Variants in FOXP2 observed in about 807,000 individuals in gnomAD.
FOXP2 encodes the protein forkhead box P2.
Under a neutral mutation model 115.8 loss-of-function variants are expected in FOXP2, and 12 were observed. The observed-to-expected ratio is 0.10, with a 90% CI of 0.07 to 0.17. The LOEUF (loss-of-function observed/expected upper bound fraction) is 0.17. FOXP2 is among the 10% of genes least tolerant of loss of function. The pLI is 1.00. For missense variants in FOXP2, 629 were observed against 843.5 expected (o/e 0.75, Z 3.15); for synonymous variants, 328 against 297.7 (o/e 1.10, Z -1.05).
At chr7:114,571,367 A>G (rs959241340) in intron 3 of FOXP2, among the ~76,000 whole-genome samples, 1 of 151,886 alleles carries the variant, frequency 6.6e-6, no homozygotes, top group African/African-American at 2.4e-5. Flanking sequence ...AAAATTGCTT[A>G]TGTGGCCCAA....
Position 114,356,726 on chromosome 7 carries a change from A to G in FOXP2, c.-11+68617A>G, listed in dbSNP as rs147637062. ...ACTACTACAACAGAGGCATCCTTCT[A>G]ATATTAGTCAAGGCTAAGGAATGAT... is the stretch of plus-strand genomic sequence containing the variant. On this transcript the variant is annotated intron_variant, in intron 2 of 17. Coordinates refer to the FOXP2 transcript ENST00000634411. 1.8e-3 allele frequency among the ~76,000 whole-genome samples: 273 copies of G among 152,312 alleles called. 1 individual carries two copies. The highest frequency in any genetic ancestry group is 6.3e-3 in the African/African-American group (264 of 41,584).
At chr7:114,350,557 A>G (rs1791460477) in intron 2 of FOXP2, among the ~76,000 whole-genome samples, 1 of 152,116 alleles carries the variant, frequency 6.6e-6, no homozygotes, top group Non-Finnish European at 1.5e-5. Context: ...TGATCCCTTG[A>G]TTGATTAATC....
chr7:114,572,395 A>C (rs191565527), intron 3 of FOXP2, among the ~76,000 whole-genome samples: 1 of 151,834 alleles, frequency 6.6e-6, no homozygotes, highest in Admixed American at 6.6e-5. Context: ...CAACATTTGA[A>C]AGAAAAATAG....
chr7:114,258,892 C>A (rs1431083791), intron 1 of FOXP2, among the ~76,000 whole-genome samples: 1 of 152,038 alleles, frequency 6.6e-6, no homozygotes, highest in Non-Finnish European at 1.5e-5. Context: ...GCAGAGAAAA[C>A]CTGGGTAAAC....
At chr7:114,538,333 A>G (rs1799495174) in intron 3 of FOXP2, 2 of 1,303,112 alleles carry the variant, frequency 1.5e-6, no homozygotes, top group Non-Finnish European at 2.0e-6. Context: ...CAGCCATGAG[A>G]CAGACTTGTG....
At chr7:114,480,625 A>G (rs1016746817) in intron 2 of FOXP2, among the ~76,000 whole-genome samples, 7 of 148,386 alleles carry the variant, frequency 4.7e-5, no homozygotes, top group African/African-American at 1.5e-4. Flanking sequence ...ACATATATAC[A>G]TGTATACATA....
At chr7:114,132,540 ATT>A (rs1562974811) in intron 1 of FOXP2, among the ~76,000 whole-genome samples, 1 of 122,412 alleles carries the variant, frequency 8.2e-6, no homozygotes, top group African/African-American at 3.4e-5. Context: ...GAAAAGATAA[ATT>A]GTGTGTGTGT....
chr7:114,416,298 G>C (rs1478392378), intron 1 of FOXP2: 3 of 151,966 alleles, frequency 2.0e-5, no homozygotes, highest in Non-Finnish European at 4.4e-5. Context: ...GCTTGTTTAT[G>C]ATGCAAGCCA....
intron 2 of FOXP2, among the ~76,000 whole-genome samples, chr7:114,492,499 A>G (rs1490287011): frequency 6.6e-6 from 1 of 151,630 alleles, no homozygotes; most frequent in Non-Finnish European, 1.5e-5. Flanking sequence ...TTTAATTGTG[A>G]TGTTAGGGTG....
intron 10 of FOXP2, 81 bp from the exon 11 acceptor site, chr7:114,657,985 T>G (rs1323713268): frequency 2.2e-5 from 32 of 1,467,004 alleles, no homozygotes; most frequent in Non-Finnish European, 2.7e-5. Context: ...TAGAAGTGAA[T>G]CCACTCTCAT....
At chr7:114,361,711 T>G (rs1245905166) in intron 2 of FOXP2, among the ~76,000 whole-genome samples, 1 of 152,088 alleles carries the variant, frequency 6.6e-6, no homozygotes, top group Non-Finnish European at 1.5e-5. Flanking sequence ...CTTTTTGCAT[T>G]GTCATTAATT....
intron 3 of FOXP2, among the ~76,000 whole-genome samples, chr7:114,617,670 G>T: frequency 6.6e-6 from 1 of 152,170 alleles, no homozygotes; most frequent in East Asian, 1.9e-4. Context: ...GCGGGTGCCT[G>T]TAATCCCAGC....
upstream of FOXP2, chr7:114,086,481 C>G (rs1028765375): frequency 1.4e-5 from 5 of 347,210 alleles, no homozygotes; most frequent in African/African-American, 2.4e-5. Flanking sequence ...GGCCCCCCCC[C>G]TCCCCGGGCG....
intron 1 of FOXP2, among the ~76,000 whole-genome samples, chr7:114,192,592 T>A (rs1793789188): frequency 6.6e-6 from 1 of 152,220 alleles, no homozygotes; most frequent in Non-Finnish European, 1.5e-5. Context: ...GTACATTAAC[T>A]TTGTATATTT....
chr7:114,318,637 T>C lies in FOXP2; in HGVS notation c.-11+30528T>C, dbSNP rs549129731. 9.2e-5 allele frequency among the ~76,000 whole-genome samples: 14 copies of C among 151,880 alleles called. No individual in the cohort carries two copies. The East Asian group carries it at 2.5e-3, about 27-fold the overall frequency. ...CAGTTACTCAAATACATTAAAGGAA[T>C]AGTATTAACAATACACTGTCATCAC... On this transcript the variant is annotated intron_variant, in intron 2 of 17. Coordinates refer to the FOXP2 transcript ENST00000634411.
intron 2 of FOXP2, among the ~76,000 whole-genome samples, chr7:114,348,132 G>A (rs894482664): frequency 6.6e-6 from 1 of 151,982 alleles, no homozygotes; most frequent in Non-Finnish European, 1.5e-5. Context: ...AAATACAAGA[G>A]TTTTATAGCA....
At chr7:114,402,697 G>A (rs1792914996) in intron 2 of FOXP2, among the ~76,000 whole-genome samples, 1 of 151,230 alleles carries the variant, frequency 6.6e-6, no homozygotes, top group African/African-American at 2.4e-5. Context: ...CACCATCATA[G>A]CTCACTGCCA....
intron 2 of FOXP2, among the ~76,000 whole-genome samples, chr7:114,471,676 G>A (rs1796051365): frequency 6.6e-6 from 1 of 151,778 alleles, no homozygotes; most frequent in Non-Finnish European, 1.5e-5. Flanking sequence ...CCAGCCAGGT[G>A]CGGTGGTTCA....
At chr7:114,469,992 T>C (rs1404730412) in intron 2 of FOXP2, among the ~76,000 whole-genome samples, 1 of 152,216 alleles carries the variant, frequency 6.6e-6, no homozygotes, top group Non-Finnish European at 1.5e-5. Flanking sequence ...CAATTTACTG[T>C]AGATAGTCCT....
Sources: allele counts gnomAD v4.1 joint callset (sites outside exome capture counted in the v4.1 genomes callset), GRCh38; gene constraint gnomAD v4.1.1; transcripts MANE v1.5; gene names NCBI Gene and HGNC (gene_info 2026-07-23, HGNC 2026-07-21).